The following NUDCD3 variants were observed in gnomAD, a reference collection of about 807,000 sequenced individuals.
The protein encoded by NUDCD3 is nudC domain-containing protein 3.
In NUDCD3, 13 loss-of-function variants were observed where a neutral mutation model predicts 39.7. The ratio of observed to expected loss-of-function variants is 0.33; its 90% confidence interval spans 0.21 to 0.52. NUDCD3 has a LOEUF of 0.52. Among genes scored for constraint, NUDCD3 ranks in the 20% least tolerant of loss-of-function variants. The pLI, the probability that NUDCD3 is intolerant of heterozygous loss-of-function variation, is 0.96. For missense variants in NUDCD3, 453 were observed against 458.1 expected, an observed-to-expected ratio of 0.99 and a Z score of 0.10; for synonymous variants, 175 against 172.4, an observed-to-expected ratio of 1.02 and a Z score of -0.12.
intron 5 of NUDCD3, among the ~76,000 whole-genome samples, chr7:44,391,018 G>A (rs1798505019): frequency 6.6e-6 from 1 of 152,206 alleles, no homozygotes; most frequent in Non-Finnish European, 1.5e-5. Flanking sequence ...CTTCCATAGA[G>A]ACAAGGGCCA....
chr7:44,413,896 A>G (rs1798974382), intron 3 of NUDCD3, among the ~76,000 whole-genome samples: 1 of 152,090 alleles, frequency 6.6e-6, no homozygotes, highest in Non-Finnish European at 1.5e-5. Context: ...TCTCTACAAA[A>G]TACAAAAAAT....
intron 2 of NUDCD3, among the ~76,000 whole-genome samples, chr7:44,459,040 A>G (rs999582074): frequency 6.6e-6 from 1 of 151,888 alleles, no homozygotes; most frequent in African/African-American, 2.4e-5. Context: ...GTGCAAGGAC[A>G]TCTCACAGTA....
chr7:44,468,230 G>A (rs201194598), intron 2 of NUDCD3: 444 of 1,597,734 alleles, frequency 2.8e-4, no homozygotes, highest in Non-Finnish European at 3.6e-4. Flanking sequence ...CAAAGCCATC[G>A]TGGAAACAGC....
At chr7:44,472,709 T>C (rs1470975683) in intron 2 of NUDCD3, among the ~76,000 whole-genome samples, 2 of 151,976 alleles carry the variant, frequency 1.3e-5, no homozygotes, top group African/African-American at 2.4e-5. Context: ...TGGAAAAAAA[T>C]ACAGAAACAT....
chr7:44,490,590 C>G lies in NUDCD3; in HGVS notation c.11G>C (p.Gly4Ala). 1 of 1,608,072 alleles carries G rather than the reference C, an allele frequency of 6.2e-7. No individual in the cohort carries two copies. Among genetic ancestry groups the G allele is most frequent in the Non-Finnish European group, 8.5e-7 (1 of 1,177,426 alleles). MET[G>A]AAELYDQALL... ...GGCCTGGTCATACAGCTCGGCCGCC[C>G]CTGTCTCCATGTCGCCTCCCGCCCT... The change falls in exon 1 of 6, where the codon GGG (glycine) becomes GCG (alanine). Residue 4 changes from glycine (G) to alanine (A), a missense_variant. Transcript: ENST00000355451.
chr7:44,483,732 G>T (rs1263223527), intron 2 of NUDCD3, among the ~76,000 whole-genome samples: 1 of 151,752 alleles, frequency 6.6e-6, no homozygotes, highest in South Asian at 2.1e-4. Context: ...ATTCCAAGTT[G>T]TTCACTTTGC....
intron 4 of NUDCD3, among the ~76,000 whole-genome samples, chr7:44,395,425 C>A (rs576629813): frequency 6.6e-6 from 1 of 152,312 alleles, no homozygotes; most frequent in Non-Finnish European, 1.5e-5. Context: ...CAAAACTTAC[C>A]ATTCAAAAGT....
chr7:44,408,307 A>G (rs1798866023), intron 3 of NUDCD3, among the ~76,000 whole-genome samples: 1 of 152,234 alleles, frequency 6.6e-6, no homozygotes, highest in Non-Finnish European at 1.5e-5. Flanking sequence ...ATCCAACTCA[A>G]GTCCAAAAAC....
intron 2 of NUDCD3, among the ~76,000 whole-genome samples, chr7:44,431,668 CT>C (rs755819096): frequency 0.02 from 2,378 of 120,814 alleles, 18 homozygotes; most frequent in African/African-American, 0.066. Context: ...TCTCTCCTTC[CT>C]TTTTTTTTTT....
chr7:44,450,049 T>A (rs1383121132), intron 2 of NUDCD3, among the ~76,000 whole-genome samples: 1 of 152,188 alleles, frequency 6.6e-6, no homozygotes, highest in Non-Finnish European at 1.5e-5. Flanking sequence ...CAACCCAATT[T>A]TTTTAAATGG....
At chr7:44,389,405 G>A (rs917413105) in intron 5 of NUDCD3, among the ~76,000 whole-genome samples, 15 of 152,218 alleles carry the variant, frequency 9.9e-5, no homozygotes, top group Admixed American at 3.3e-4. Flanking sequence ...CCGGCCGGGC[G>A]CGGTGGCTCA....
intron 2 of NUDCD3, among the ~76,000 whole-genome samples, chr7:44,457,156 T>C (rs530923718): frequency 6.6e-6 from 1 of 152,214 alleles, no homozygotes; most frequent in Non-Finnish European, 1.5e-5. Flanking sequence ...GCGAGGTTAC[T>C]AGAGGATTCT....
At chr7:44,470,353 T>A (rs2116963843) in intron 2 of NUDCD3, among the ~76,000 whole-genome samples, 1 of 152,300 alleles carries the variant, frequency 6.6e-6, no homozygotes, top group South Asian at 2.1e-4. Flanking sequence ...GCTCCAAATC[T>A]GATTTCTCAG....
chr7:44,412,149 G>A (rs770685115), intron 3 of NUDCD3, among the ~76,000 whole-genome samples: 5 of 152,230 alleles, frequency 3.3e-5, no homozygotes, highest in Non-Finnish European at 7.3e-5. Context: ...GCTGAGCAAT[G>A]TGTCCCTTAC....
At chr7:44,479,740 G>A (rs1235807200) in intron 2 of NUDCD3, among the ~76,000 whole-genome samples, 3 of 152,116 alleles carry the variant, frequency 2.0e-5, no homozygotes, top group African/African-American at 7.2e-5. Context: ...CTTCTGTGTG[G>A]TCTTCTACAG....
At chr7:44,437,319 T>G (rs747117794) in intron 2 of NUDCD3, among the ~76,000 whole-genome samples, 3 of 152,038 alleles carry the variant, frequency 2.0e-5, no homozygotes, top group Non-Finnish European at 4.4e-5. Context: ...CTGCCCGCCT[T>G]GGCCTCCCAA....
rs576060327 is a variant in NUDCD3, at chr7:44,477,882, G to A, written c.509+7086C>T. 2.1e-5 allele frequency among the ~76,000 whole-genome samples: 3 copies of A among 145,452 alleles called. No homozygotes were observed. In the East Asian group the frequency reaches 6.1e-4, roughly 29 times the overall value. On this transcript the variant is annotated intron_variant, in intron 2 of 5. Coordinates refer to ENST00000355451, the MANE Select transcript of NUDCD3 (RefSeq NM_015332.4). The stretch of plus-strand genomic sequence containing the variant: ...CTCGCTCTGCTCTGTCGCCCAGGCT[G>A]GAGTGCAGTGGCACAATCTCAACTC...
chr7:44,486,251 G>T (rs764435829), intron 1 of NUDCD3, among the ~76,000 whole-genome samples: 2 of 152,224 alleles, frequency 1.3e-5, no homozygotes, highest in Non-Finnish European at 1.5e-5. Flanking sequence ...GGGCTAGAAT[G>T]CGGACAGGTA....
At chr7:44,431,799 A>G (rs966294705) in intron 2 of NUDCD3, among the ~76,000 whole-genome samples, 4 of 151,312 alleles carry the variant, frequency 2.6e-5, no homozygotes, top group African/African-American at 9.7e-5. Flanking sequence ...CAATCTCCAG[A>G]GTAGCTGGGA....
Sources: gnomAD v4.1 joint callset for allele counts (sites outside exome capture counted in the v4.1 genomes callset) on GRCh38, gnomAD v4.1.1 for gene constraint, MANE v1.5 for transcripts, NCBI Gene and HGNC (gene_info 2026-07-23, HGNC 2026-07-21) for gene names.